Variants in CENPU observed in about 807,000 individuals in gnomAD.
CENPU encodes centromere protein U, also known as KSHV latent nuclear antigen interacting protein 1.
In CENPU, 46 loss-of-function variants were observed where a neutral mutation model predicts 56.7. The observed-to-expected ratio is 0.81, with a 90% CI of 0.64 to 1.04. The LOEUF is 1.04. Among genes scored for constraint, CENPU ranks in the 50% least tolerant of loss-of-function variants. The pLI is 0.00. For missense variants in CENPU, 510 were observed against 490.1 expected, an observed-to-expected ratio of 1.04 and a Z score of -0.38; for synonymous variants, 166 against 163.0, an observed-to-expected ratio of 1.02 and a Z score of -0.14.
Position 184,731,883 on chromosome 4 carries a change from C to CTGTGTGTGTGTGTGTGTGTGTGTG in CENPU, c.48-939_48-916dup, listed in dbSNP as rs59083873. Among the ~76,000 whole-genome samples, 665 of 146,738 alleles carry CTGTGTGTGTGTGTGTGTGTGTGTG rather than the reference C, an allele frequency of 4.5e-3. 3 individuals carry two copies. The highest frequency in any genetic ancestry group is 9.7e-3 in the African/African-American group (382 of 39,578). ...TCTGTATGCCCTTTACTCATGTGCT[C>CTGTGTGTGTGTGTGTGTGTGTGTG]TGTGTGTGTGTGTGTGTGTGTGTGT... On this transcript the variant is annotated intron_variant, in intron 1 of 12. Coordinates refer to ENST00000281453, the MANE Select transcript of CENPU (RefSeq NM_024629.4).
intron 6 of CENPU, 105 bp from the exon 7 acceptor site, chr4:184,713,118 C>T: frequency 1.4e-6 from 1 of 718,880 alleles, no homozygotes; most frequent in Non-Finnish European, 2.3e-6. Context: ...TAGCTGCGCA[C>T]AGTGGCACAT....
At chr4:184,698,728 C>T (rs1760426965) in intron 11 of CENPU, among the ~76,000 whole-genome samples, 1 of 152,136 alleles carries the variant, frequency 6.6e-6, no homozygotes, top group Non-Finnish European at 1.5e-5. Context: ...GGACTACAGG[C>T]GTGAGCCAGG....
At chr4:184,731,353 C>T (rs1459864932) in intron 1 of CENPU, among the ~76,000 whole-genome samples, 1 of 152,190 alleles carries the variant, frequency 6.6e-6, no homozygotes, top group Non-Finnish European at 1.5e-5. Context: ...AGAAGTGAAT[C>T]CCATGTTACA....
At chr4:184,729,341 T>C (rs1171464413) in intron 2 of CENPU, among the ~76,000 whole-genome samples, 2 of 152,218 alleles carry the variant, frequency 1.3e-5, no homozygotes, top group African/African-American at 4.8e-5. Context: ...TGGCAAACTT[T>C]TTCTATAAAG....
At chr4:184,710,893 T>C (rs1379033288) in intron 7 of CENPU, among the ~76,000 whole-genome samples, 1 of 152,206 alleles carries the variant, frequency 6.6e-6, no homozygotes, top group East Asian at 1.9e-4. Flanking sequence ...TCTCACTCTG[T>C]TGCCCAAGCT....
chr4:184,716,621 G>A lies in CENPU; in HGVS notation c.394C>T (p.Leu132Phe). ...KISAKKPGRK[L>F]RPISDDSESI... ...TCAGAGTCATCACTAATGGGCCTGA[G>A]CTTTCTTCCTGGCTGTGTGAAAGAA... Residue 132 changes from leucine (L) to phenylalanine (F), a missense_variant, in exon 6 of 13, where the codon CTC becomes TTC. By Grantham distance (22) the Leu-to-Phe change is conservative. Transcript: ENST00000281453. 2.5e-6 allele frequency: 4 copies of A among 1,613,442 alleles called. No homozygotes were observed. The highest frequency in any genetic ancestry group is 2.5e-6 in the Non-Finnish European group (3 of 1,179,618).
At chr4:184,720,732 T>C (rs1761247141) in intron 4 of CENPU, among the ~76,000 whole-genome samples, 1 of 152,186 alleles carries the variant, frequency 6.6e-6, no homozygotes, top group South Asian at 2.1e-4. Flanking sequence ...TGGCATGACA[T>C]ATTTAAAGTG....
intron 4 of CENPU, among the ~76,000 whole-genome samples, chr4:184,717,919 AAAG>A (rs1390422432): frequency 3.3e-5 from 5 of 152,250 alleles, no homozygotes; most frequent in Non-Finnish European, 7.3e-5. Flanking sequence ...AGTTAATGTA[AAAG>A]CCTGGTGGTG....
In CENPU at chr4:184,694,594, C is replaced by T; in HGVS notation, c.*694G>A. The stretch of plus-strand genomic sequence containing the variant: ...AACCCAGAATCCTCATAAACCATCA[C>T]CTAGCAGGCTGTCAACAGGTGCATC... On this transcript the variant is annotated 3_prime_UTR_variant, in exon 13 of 13. Transcript: ENST00000281453. The T allele has an allele frequency of 6.2e-7, 1 of 1,614,130 alleles. No individual in the cohort carries two copies. The highest frequency in any genetic ancestry group is 1.1e-5 in the South Asian group (1 of 91,078).
intron 1 of CENPU, 147 bp from the exon 2 acceptor site, chr4:184,731,115 T>A (rs923860713): frequency 9.7e-6 from 6 of 617,760 alleles, no homozygotes; most frequent in African/African-American, 2.0e-5. Context: ...GGTCAAATCC[T>A]ATCACCAATG....
chr4:184,708,783 T>G (rs979713830), intron 8 of CENPU, among the ~76,000 whole-genome samples: 1 of 152,148 alleles, frequency 6.6e-6, no homozygotes, highest in Admixed American at 6.5e-5. Context: ...CACTGAGGTG[T>G]TGGATGAAAT....
At chr4:184,725,570 T>C (rs1761423350) in intron 3 of CENPU, among the ~76,000 whole-genome samples, 1 of 152,208 alleles carries the variant, frequency 6.6e-6, no homozygotes, top group Admixed American at 6.5e-5. Context: ...AACATTTTCT[T>C]TCCTCATCCC....
chr4:184,695,510 A>C (rs1390606515), intron 12 of CENPU, 109 bp from the exon 13 acceptor site: 5 of 653,272 alleles, frequency 7.7e-6, no homozygotes, highest in African/African-American at 1.8e-5. Flanking sequence ...TCCATTAACT[A>C]CTCCTCCTCT....
chr4:184,697,557 G>A, intron 12 of CENPU, 90 bp downstream of exon 12: 2 of 1,250,394 alleles, frequency 1.6e-6, no homozygotes, highest in South Asian at 2.6e-5. Context: ...ATCTGCATTT[G>A]TCTTTCCCCA....
intron 7 of CENPU, 48 bp from the exon 8 acceptor site, chr4:184,710,228 G>A (rs376511904): frequency 2.3e-5 from 30 of 1,301,794 alleles, no homozygotes; most frequent in African/African-American, 4.4e-5. Context: ...TATTTTGGCT[G>A]TAGGTCCAGG....
chr4:184,721,126 G>A (rs562439709), intron 4 of CENPU, among the ~76,000 whole-genome samples: 2 of 152,258 alleles, frequency 1.3e-5, no homozygotes, highest in Non-Finnish European at 2.9e-5. Context: ...CAAAGTAAAG[G>A]TGTAGTTTTT....
At chr4:184,716,661 T>C (rs1233377885) in intron 5 of CENPU, 28 bp from the exon 6 acceptor site, 11 of 1,513,442 alleles carry the variant, frequency 7.3e-6, no homozygotes, top group African/African-American at 2.8e-5. Flanking sequence ...CAGCAGTACT[T>C]ATGTAGAAAA....
chr4:184,723,363 T>G (rs6844588), intron 4 of CENPU, among the ~76,000 whole-genome samples: 27,108 of 152,074 alleles, frequency 0.18, 2,715 homozygotes, highest in African/African-American at 0.26. Flanking sequence ...GAGGGAAGAA[T>G]CGGGTTCTAG....
chr4:184,694,866 T>C lies in CENPU; in HGVS notation c.*422A>G, dbSNP rs1396847277. The C allele has an allele frequency of 2.6e-6, 3 of 1,162,806 alleles. No individual in the cohort carries two copies. Among genetic ancestry groups the C allele is most frequent in the Admixed American group, 4.8e-5 (2 of 41,254 alleles). 72.0% of individuals were successfully genotyped at this position (1,162,806 alleles called of 1,614,324 possible). On this transcript the variant is annotated 3_prime_UTR_variant, in exon 13 of 13. Coordinates refer to ENST00000281453, the MANE Select transcript of CENPU (RefSeq NM_024629.4). Reference sequence around the variant, plus strand: ...ATAAATATATCATTCAACCTGTTTATATAAACTAAGTTTTATTACTTTGCT... The same window carrying C: ...ATAAATATATCATTCAACCTGTTTACATAAACTAAGTTTTATTACTTTGCT...
Sources: allele counts gnomAD v4.1 joint callset (sites outside exome capture counted in the v4.1 genomes callset), GRCh38; gene constraint gnomAD v4.1.1; transcripts MANE v1.5; gene names NCBI Gene and HGNC (gene_info 2026-07-23, HGNC 2026-07-21).